The following ITGAM variants were observed in gnomAD, a reference collection of about 807,000 sequenced individuals.
ITGAM encodes the protein integrin alpha-M.
Under a neutral mutation model 137.5 loss-of-function variants are expected in ITGAM, and 79 were observed. The observed-to-expected ratio is 0.57, with a 90% CI of 0.48 to 0.69. The LOEUF is 0.69. Ranked by LOEUF, ITGAM falls within the 30% of genes least tolerant of loss-of-function variation. The pLI is 0.00. For missense variants in ITGAM, 1,343 were observed against 1,483.5 expected (o/e 0.91, Z 1.56); for synonymous variants, 583 against 592.3 (o/e 0.98, Z 0.23).
intron 2 of ITGAM, among the ~76,000 whole-genome samples, chr16:31,263,103 G>T (rs1378857713): frequency 1.3e-5 from 2 of 152,076 alleles, no homozygotes; most frequent in East Asian, 3.9e-4. Context: ...CACCACGCCT[G>T]GCTAATTTTT....
At position 31,331,678 on chromosome 16, in the gene ITGAM, G is replaced by A. The variant is rs1229425583; in HGVS notation, c.3430G>A (p.Gly1144Arg). ...GCAATACAAGGACATGATGAGTGAAGGGGGTCCCCCGGGGGCCGAACCCCA... is the reference window on the plus strand; with the variant it reads ...GCAATACAAGGACATGATGAGTGAAAGGGGTCCCCCGGGGGCCGAACCCCA... ...KRQYKDMMSE[G>R]GPPGAEPQ is the part of the protein sequence containing the mutation. The change falls in exon 30 of 30, where the codon GGG becomes AGG. Residue 1144 changes from glycine to arginine, a missense_variant. Gly to Arg is a moderately radical substitution (Grantham distance 125, BLOSUM62 -2). Transcript: ENST00000544665. The A allele has an allele frequency of 6.2e-7, 1 of 1,609,872 alleles. No individual in the cohort carries two copies.
Position 31,265,394 on chromosome 16 carries a change from G to A in ITGAM, c.135-1G>A, listed in dbSNP as rs1282517914. 5 of 1,586,362 alleles carry A rather than the reference G, an allele frequency of 3.2e-6. No homozygotes were observed. The highest frequency in any genetic ancestry group is 4.3e-6 in the Non-Finnish European group (5 of 1,163,706). ...TTCTCTGTTCCCACTTCTCCCCACA[G>A]GGTGGTGGTTGGAGCCCCCCAGGAG... On this transcript the variant is annotated splice_acceptor_variant, in intron 2 of 29. Transcript: ENST00000544665. LOFTEE classifies it high-confidence loss of function.
rs927472766 is a variant in ITGAM, at chr16:31,273,465, G to C, written c.805G>C (p.Glu269Gln). 6.2e-7 allele frequency: 1 copy of C among 1,613,884 alleles called. No individual in the cohort carries two copies. The highest frequency in any genetic ancestry group is 8.5e-7 in the Non-Finnish European group (1 of 1,179,790). Reference sequence around the variant, plus strand: ...AAAGTTTGGCGATCCCTTGGGATATGAGGATGTCATCCCTGAGGCAGACAG... The same window carrying C: ...AAAGTTTGGCGATCCCTTGGGATATCAGGATGTCATCCCTGAGGCAGACAG... The part of the protein sequence containing the change: ...GEKFGDPLGY[E>Q]DVIPEADREG... The change falls in exon 8 of 30, where the codon GAG becomes CAG. Residue 269 changes from glutamate (E) to glutamine (Q), a missense_variant. Physicochemically the swap from Glu to Gln is conservative, Grantham distance 29 (BLOSUM62 2). Coordinates refer to ENST00000544665, the MANE Select transcript of ITGAM (RefSeq NM_000632.4).
At chr16:31,288,231 G>C (rs1019752620) in intron 12 of ITGAM, among the ~76,000 whole-genome samples, 1 of 152,070 alleles carries the variant, frequency 6.6e-6, no homozygotes, top group African/African-American at 2.4e-5. Flanking sequence ...AGAAGGGTAG[G>C]TGTGGCTTAT....
chr16:31,311,447 A>G (rs1361340868), intron 14 of ITGAM, among the ~76,000 whole-genome samples: 1 of 152,216 alleles, frequency 6.6e-6, no homozygotes, highest in Non-Finnish European at 1.5e-5. Context: ...AGAAAAAAAC[A>G]AACAACCCCA....
chr16:31,266,115 A>C lies in ITGAM; in HGVS notation c.395A>C (p.Gln132Pro). ...LCFLFGSNLR[Q>P]QPQKFPEALR... is the part of the protein sequence containing the mutation. Reference sequence around the variant, plus strand: ...TTCCTGTTTGGATCCAACCTACGGCAGCAGCCCCAGAAGTTCCCAGAGGCC... The same window carrying C: ...TTCCTGTTTGGATCCAACCTACGGCCGCAGCCCCAGAAGTTCCCAGAGGCC... The change falls in exon 5 of 30, where the codon CAG becomes CCG. Residue 132 changes from glutamine (Q) to proline (P), a missense_variant. By Grantham distance (76) the Gln-to-Pro change is moderately conservative. Transcript: ENST00000544665. 6.2e-7 allele frequency: 1 copy of C among 1,613,896 alleles called. No individual in the cohort carries two copies. The highest frequency in any genetic ancestry group is 8.5e-7 in the Non-Finnish European group (1 of 1,179,880).
intron 3 of ITGAM, 35 bp from the exon 4 acceptor site, chr16:31,265,776 C>G (rs1002222280): frequency 4.4e-6 from 7 of 1,594,250 alleles, no homozygotes; most frequent in African/African-American, 1.3e-5. Context: ...TCTGTCCCCC[C>G]ACCAGGGTGA....
At chr16:31,308,620 T>A (rs2080290367) in intron 14 of ITGAM, among the ~76,000 whole-genome samples, 1 of 152,242 alleles carries the variant, frequency 6.6e-6, no homozygotes, top group Non-Finnish European at 1.5e-5. Context: ...ATTCACTAAT[T>A]TTTTGAAGGG....
At chr16:31,330,465 C>T in intron 27 of ITGAM, 39 bp from the exon 28 acceptor site, 1 of 1,610,880 alleles carries the variant, frequency 6.2e-7, no homozygotes. Context: ...GCGTGGTGCT[C>T]AGGGCCCAGG....
intron 14 of ITGAM, among the ~76,000 whole-genome samples, chr16:31,302,391 TTTTCTTTTCTTTTCTTTTTTC>T (rs1168589536): frequency 9.4e-5 from 14 of 148,928 alleles, no homozygotes; most frequent in Admixed American, 2.7e-4. Context: ...TTCTTTTCTT[TTTTCTTTTCTTTTCTTTTTTC>T]TTTCTTTCTT....
At chr16:31,320,737 C>G (rs1403426457) in intron 14 of ITGAM, among the ~76,000 whole-genome samples, 5 of 152,168 alleles carry the variant, frequency 3.3e-5, no homozygotes, top group African/African-American at 1.2e-4. Flanking sequence ...TCTTTTACCC[C>G]CCATTCACGC....
chr16:31,305,489 C>T (rs73534427), intron 14 of ITGAM, among the ~76,000 whole-genome samples: 1,902 of 152,202 alleles, frequency 0.012, 37 homozygotes, highest in African/African-American at 0.043. Context: ...ACTTTCAGTA[C>T]TGTGTTGAAT....
At chr16:31,268,349 A>AG (rs1375013597) in intron 5 of ITGAM, among the ~76,000 whole-genome samples, 1 of 152,214 alleles carries the variant, frequency 6.6e-6, no homozygotes, top group African/African-American at 2.4e-5. Context: ...TTATTAAAAA[A>AG]TATATAATAC....
At chr16:31,329,357 T>C (rs2080551249) in intron 24 of ITGAM, 54 bp downstream of exon 24, 8 of 1,280,038 alleles carry the variant, frequency 6.2e-6, no homozygotes, top group Non-Finnish European at 9.0e-6. Context: ...GGAAAATCGA[T>C]GGTAGAAAAT....
intron 5 of ITGAM, among the ~76,000 whole-genome samples, chr16:31,270,699 G>GTGTGTA (rs1477833816): frequency 1.7e-3 from 44 of 25,994 alleles, no homozygotes; most frequent in African/African-American, 2.5e-3. Context: ...GTGTGTGTGT[G>GTGTGTA]TATATATATA....
At chr16:31,303,553 T>A (rs1007041151) in intron 14 of ITGAM, among the ~76,000 whole-genome samples, 2 of 152,178 alleles carry the variant, frequency 1.3e-5, no homozygotes, top group African/African-American at 4.8e-5. Flanking sequence ...GCACCTGTCA[T>A]CAAAGCAGCG....
chr16:31,299,118 A>G (rs773852786), intron 14 of ITGAM, among the ~76,000 whole-genome samples: 27 of 152,054 alleles, frequency 1.8e-4, no homozygotes, highest in Non-Finnish European at 3.5e-4. Context: ...TTAACATGAG[A>G]CCTATCCTCT....
chr16:31,321,142 G>T, intron 14 of ITGAM, 99 bp from the exon 15 acceptor site: 1 of 1,364,700 alleles, frequency 7.3e-7, no homozygotes, highest in Non-Finnish European at 1.0e-6. Context: ...CTTGAGTAGA[G>T]CTTAGAGAAC....
intron 14 of ITGAM, among the ~76,000 whole-genome samples, chr16:31,300,837 G>A (rs904048071): frequency 3.9e-5 from 6 of 152,106 alleles, no homozygotes; most frequent in African/African-American, 9.7e-5. Context: ...GCTTGAACCC[G>A]GGAGGTGGAG....
Sources: gnomAD v4.1 joint callset for allele counts (sites outside exome capture counted in the v4.1 genomes callset) on GRCh38, gnomAD v4.1.1 for gene constraint, MANE v1.5 for transcripts, NCBI Gene and HGNC (gene_info 2026-07-23, HGNC 2026-07-21) for gene names.